Variants in ATE1 observed in about 807,000 individuals in gnomAD.
ATE1 encodes the protein arginyl-tRNA--protein transferase 1.
A neutral mutation model predicts 70.5 loss-of-function variants in ATE1; 36 were observed. The observed-to-expected ratio is 0.51, with a 90% CI of 0.39 to 0.67. The LOEUF (loss-of-function observed/expected upper bound fraction) is 0.67. Among genes scored for constraint, ATE1 ranks in the 30% least tolerant of loss-of-function variants. The pLI is 0.00. For synonymous variants in ATE1, 232 were observed against 219.3 expected (o/e 1.06, Z -0.51); for missense variants, 593 against 629.5 (o/e 0.94, Z 0.62).
intron 2 of ATE1, among the ~76,000 whole-genome samples, chr10:121,923,200 G>A (rs1037771398): frequency 2.6e-5 from 4 of 152,174 alleles, no homozygotes; most frequent in African/African-American, 7.2e-5. Context: ...GCCAGGCATG[G>A]TGGTTCATAC....
intron 11 of ATE1, among the ~76,000 whole-genome samples, chr10:121,758,716 G>T (rs942122084): frequency 3.3e-5 from 5 of 152,074 alleles, no homozygotes; most frequent in African/African-American, 1.2e-4. Flanking sequence ...ATTTTTCCAA[G>T]AGTATGTGTT....
intron 11 of ATE1, among the ~76,000 whole-genome samples, chr10:121,778,705 G>T (rs1446767655): frequency 6.6e-6 from 1 of 151,728 alleles, no homozygotes; most frequent in Non-Finnish European, 1.5e-5. Flanking sequence ...GGGTTCAAGC[G>T]ACTCTCCTGC....
intron 10 of ATE1, among the ~76,000 whole-genome samples, chr10:121,829,163 A>G (rs1948137720): frequency 6.6e-6 from 1 of 152,060 alleles, no homozygotes; most frequent in Admixed American, 6.6e-5. Flanking sequence ...GGTGGCTCAC[A>G]CCTGTAATCC....
At chr10:121,761,074 GC>G (rs1945020011) in intron 11 of ATE1, among the ~76,000 whole-genome samples, 2 of 152,150 alleles carry the variant, frequency 1.3e-5, no homozygotes, top group Admixed American at 1.3e-4. Context: ...AGAAGAGCCT[GC>G]CACCTTCCTC....
chr10:121,748,937 A>C (rs1210417771), intron 11 of ATE1, among the ~76,000 whole-genome samples: 4 of 152,190 alleles, frequency 2.6e-5, no homozygotes, highest in Non-Finnish European at 5.9e-5. Flanking sequence ...TACTGCAAGT[A>C]ATGTGGTGCT....
intron 11 of ATE1, among the ~76,000 whole-genome samples, chr10:121,776,042 A>G (rs1314530731): frequency 6.6e-6 from 1 of 152,256 alleles, no homozygotes; most frequent in Non-Finnish European, 1.5e-5. Flanking sequence ...TTGCAGATGC[A>G]TCACAATAGT....
At chr10:121,907,439 T>A (rs1951240870) in intron 5 of ATE1, among the ~76,000 whole-genome samples, 1 of 151,504 alleles carries the variant, frequency 6.6e-6, no homozygotes, top group African/African-American at 2.4e-5. Flanking sequence ...CACTCCAGCC[T>A]GGGCAACAGA....
chr10:121,791,541 TA>T (rs1946455271), intron 10 of ATE1, among the ~76,000 whole-genome samples: 1 of 152,236 alleles, frequency 6.6e-6, no homozygotes, highest in South Asian at 2.1e-4. Flanking sequence ...TTTTCATAAC[TA>T]TCAAGGTTTT....
intron 8 of ATE1, among the ~76,000 whole-genome samples, chr10:121,843,405 C>T (rs189071396): frequency 1.3e-5 from 2 of 152,300 alleles, no homozygotes; most frequent in Non-Finnish European, 2.9e-5. Context: ...ATCAAAATCT[C>T]AGCAAGCTAT....
At position 121,845,064 on chromosome 10, in the gene ATE1, T is replaced by A. The variant is rs560231289; in HGVS notation, c.976-3801A>T. Among the ~76,000 whole-genome samples, 10 of 152,318 alleles carry A rather than the reference T, an allele frequency of 6.6e-5. No individual in the cohort carries two copies. The East Asian group carries it at 1.9e-3, about 29-fold the overall frequency. ...TTTCAGATATAATGTTACTGCACAC[T>A]TAAGAGACTACAGTGTAAACACAAC... On this transcript the variant is annotated intron_variant, in intron 8 of 11. Transcript: ENST00000224652.
At position 121,742,708 on chromosome 10, in the gene ATE1, A is replaced by G. The variant is rs948182521; in HGVS notation, c.*972T>C. 2 of 152,178 alleles carry G rather than the reference A, an allele frequency of 1.3e-5. No individual in the cohort carries two copies. Among genetic ancestry groups the G allele is most frequent in the African/African-American group, 4.8e-5 (2 of 41,430 alleles). The allele number at this position is 152,178 out of a possible 1,614,324, so 9.4% of individuals were successfully genotyped here. On this transcript the variant is annotated 3_prime_UTR_variant, in exon 12 of 12. Coordinates refer to ENST00000224652, the MANE Select transcript of ATE1 (RefSeq NM_001001976.3). ...GTGACTCTCAAATCAAAGGACAAGA[A>G]ATGGATTGTTCTAGCTCTTGTCCTG...
At chr10:121,926,888 C>T in intron 1 of ATE1, 1 of 985,434 alleles carries the variant, frequency 1.0e-6, no homozygotes, top group Non-Finnish European at 1.2e-6. Flanking sequence ...CTAACGATTG[C>T]ATAACTGTCT....
At chr10:121,926,720 T>C in intron 1 of ATE1, 1 of 985,278 alleles carries the variant, frequency 1.0e-6, no homozygotes, top group Non-Finnish European at 1.2e-6. Context: ...CACAATACTC[T>C]AAGGCCATAT....
At position 121,742,166 on chromosome 10, in the gene ATE1, G is replaced by A. The variant is rs1447159958; in HGVS notation, c.*1514C>T. The A allele has an allele frequency of 6.6e-6, 1 of 152,164 alleles. No individual in the cohort carries two copies. The highest frequency in any genetic ancestry group is 1.5e-5 in the Non-Finnish European group (1 of 68,034). The allele number at this position is 152,164 out of a possible 1,614,324, so 9.4% of individuals were successfully genotyped here. On this transcript the variant is annotated 3_prime_UTR_variant, in exon 12 of 12. Transcript: ENST00000224652. ...GAGTACGCAGCACCTTGGCAGGTGT[G>A]ACACACACACTCTGAATGAAGAAAT...
chr10:121,903,975 T>C (rs1247302603), intron 5 of ATE1, among the ~76,000 whole-genome samples: 1 of 150,146 alleles, frequency 6.7e-6, no homozygotes, highest in African/African-American at 2.4e-5. Flanking sequence ...TTCTCTTTTC[T>C]CCAAATTTTC....
intron 11 of ATE1, among the ~76,000 whole-genome samples, chr10:121,752,038 T>C (rs1944601593): frequency 6.6e-6 from 1 of 150,632 alleles, no homozygotes; most frequent in Non-Finnish European, 1.5e-5. Context: ...CTAAAAAAAA[T>C]ACAAAAAAAT....
intron 3 of ATE1, among the ~76,000 whole-genome samples, chr10:121,916,470 T>A (rs1271336362): frequency 6.6e-6 from 1 of 152,144 alleles, no homozygotes; most frequent in African/African-American, 2.4e-5. Context: ...ATGCACTTTC[T>A]CTATTAGAAG....
chr10:121,826,012 G>A (rs1323003092), intron 10 of ATE1, among the ~76,000 whole-genome samples: 1 of 152,232 alleles, frequency 6.6e-6, no homozygotes, highest in African/African-American at 2.4e-5. Context: ...ATTGACATAT[G>A]TGACAACATG....
upstream of ATE1, chr10:121,928,456 C>T (rs1402614925): frequency 6.6e-7 from 1 of 1,510,438 alleles, no homozygotes; most frequent in African/African-American, 1.5e-5. Context: ...TCCGCTCGGG[C>T]CGACCACGCC....
Sources: allele counts gnomAD v4.1 joint callset (sites outside exome capture counted in the v4.1 genomes callset), GRCh38; gene constraint gnomAD v4.1.1; transcripts MANE v1.5; gene names NCBI Gene and HGNC (gene_info 2026-07-23, HGNC 2026-07-21).